The following MOK variants were observed in gnomAD, a reference collection of about 807,000 sequenced individuals.
MOK encodes the protein MOK protein kinase, also known as MAPK/MAK/MRK overlapping kinase.
MOK carries 59 observed loss-of-function variants against 54.2 expected under a neutral mutation model. The ratio of observed to expected loss-of-function variants is 1.09; its 90% CI spans 0.88 to 1.35. The LOEUF is 1.35. MOK is among the 40% of genes most tolerant of loss of function. The pLI is 0.00. For synonymous variants in MOK, 210 were observed against 202.7 expected, an observed-to-expected ratio of 1.04 and a Z score of -0.31; for missense variants, 517 against 526.2, an observed-to-expected ratio of 0.98 and a Z score of 0.17.
intron 1 of MOK, among the ~76,000 whole-genome samples, chr14:102,294,212 C>T (rs970132150): frequency 4.0e-5 from 6 of 150,918 alleles, no homozygotes; most frequent in Non-Finnish European, 7.4e-5. Flanking sequence ...TTTGGGAGGC[C>T]AAGGCGGGCG....
intron 7 of MOK, chr14:102,234,166 A>G (rs1347049696): frequency 1.5e-5 from 3 of 199,912 alleles, no homozygotes; most frequent in South Asian, 9.1e-5. Context: ...CGGATGACCT[A>G]ACATTCTGGT....
chr14:102,223,978 G>A (rs894110183), downstream of MOK, among the ~76,000 whole-genome samples: 10 of 150,852 alleles, frequency 6.6e-5, no homozygotes, highest in African/African-American at 2.4e-4. Context: ...ACATAACACA[G>A]TTTCTACAGT....
intron 1 of MOK, among the ~76,000 whole-genome samples, chr14:102,293,349 C>T (rs185485105): frequency 1.3e-3 from 197 of 152,180 alleles, no homozygotes; most frequent in African/African-American, 4.5e-3. Context: ...GCCATAATTT[C>T]ATGTTAAGTG....
At chr14:102,282,224 C>G (rs1450194911) in intron 2 of MOK, among the ~76,000 whole-genome samples, 1 of 151,974 alleles carries the variant, frequency 6.6e-6, no homozygotes, top group African/African-American at 2.4e-5. Context: ...TTGGGCAACA[C>G]AGTGAAATCC....
In MOK at chr14:102,249,515, G is replaced by A. The variant is rs1256698122; in HGVS notation, c.590+1297C>T. On this transcript the variant is annotated intron_variant, in intron 7 of 11. Coordinates refer to ENST00000361847, the MANE Select transcript of MOK (RefSeq NM_014226.3). This position sits in a 1 kb window ranked among gnomAD's most constrained non-coding sequence, Gnocchi z 5.3. ...ACCTGAAGTCAGGAGTTCAAGACCA[G>A]CCTGACCAACATGGAGAAACCCCGT... Among the ~76,000 whole-genome samples, 5 of 152,106 alleles carry A rather than the reference G, an allele frequency of 3.3e-5. No individual in the cohort carries two copies. The highest frequency in any genetic ancestry group is 1.2e-4 in the African/African-American group (5 of 41,420).
downstream of MOK, among the ~76,000 whole-genome samples, chr14:102,224,174 T>TGGGAC (rs2064155065): frequency 6.6e-6 from 1 of 151,786 alleles, no homozygotes; most frequent in Non-Finnish European, 1.5e-5. Context: ...CCCGAGTAGC[T>TGGGAC]GGGACTACAG....
At chr14:102,224,439 T>C (rs867820662), downstream of MOK, 4 of 383,090 alleles carry the variant, frequency 1.0e-5, no homozygotes, top group Admixed American at 3.1e-5. Context: ...CCCAACAGAA[T>C]GTGCAGCTAC....
the MOK span, among the ~76,000 whole-genome samples, chr14:102,218,869 A>G: frequency 6.6e-6 from 1 of 152,246 alleles, no homozygotes; most frequent in Admixed American, 6.5e-5. Context: ...TGCACAGCCC[A>G]GCAGCTCCCG....
At chr14:102,226,041 T>C (rs2064226674), downstream of MOK, 1 of 472,210 alleles carries the variant, frequency 2.1e-6, no homozygotes, top group Admixed American at 4.0e-5. The surrounding 1 kb of genome is among the most constrained non-coding windows in gnomAD (Gnocchi z 4.8). Flanking sequence ...TGTGGCAGGC[T>C]GGCTGCACCG....
chr14:102,294,048 C>T (rs1736094377), intron 1 of MOK, among the ~76,000 whole-genome samples: 1 of 152,142 alleles, frequency 6.6e-6, no homozygotes, highest in South Asian at 2.1e-4. Flanking sequence ...GCCTGTAATC[C>T]CAGCACTCTG....
downstream of MOK, chr14:102,223,166 T>C: frequency 4.3e-6 from 1 of 232,654 alleles, no homozygotes; most frequent in South Asian, 7.2e-5. Context: ...TTAAATTTCA[T>C]ATATATATAA....
At chr14:102,301,453 C>A (rs948633544) in intron 1 of MOK, among the ~76,000 whole-genome samples, 4 of 152,160 alleles carry the variant, frequency 2.6e-5, no homozygotes, top group Non-Finnish European at 1.5e-5. Context: ...CACCCCTAAA[C>A]ACAGGGCATC....
intron 4 of MOK, among the ~76,000 whole-genome samples, chr14:102,253,669 A>G (rs908185060): frequency 6.6e-6 from 1 of 152,152 alleles, no homozygotes; most frequent in Non-Finnish European, 1.5e-5. Context: ...GCAGCTTTCT[A>G]CCGTGCTTGA....
Position 102,304,982 on chromosome 14 carries a change from G to T in MOK, c.-14C>A, listed in dbSNP as rs1189031643. 6.2e-7 allele frequency: 1 copy of T among 1,609,964 alleles called. No homozygotes were observed. The highest frequency in any genetic ancestry group is 1.7e-5 in the Admixed American group (1 of 59,450). Reference sequence around the variant, plus strand: ...CTCACTCTTCATCTTGGATGCGGAAGCCGGTGACAACCCCTTGCCGACACT... The same window carrying T: ...CTCACTCTTCATCTTGGATGCGGAATCCGGTGACAACCCCTTGCCGACACT... On this transcript the variant is annotated 5_prime_UTR_variant, in exon 1 of 12. Coordinates refer to ENST00000361847, the MANE Select transcript of MOK (RefSeq NM_014226.3).
At chr14:102,294,233 T>C (rs1227282838) in intron 1 of MOK, among the ~76,000 whole-genome samples, 1 of 149,532 alleles carries the variant, frequency 6.7e-6, no homozygotes, top group Non-Finnish European at 1.5e-5. Flanking sequence ...GATCACGAGG[T>C]CAGGAGATCA....
chr14:102,224,754 G>A, downstream of MOK: 1 of 455,974 alleles, frequency 2.2e-6, no homozygotes, highest in Non-Finnish European at 4.4e-6. Flanking sequence ...GCGCCAGCAG[G>A]GACTCTGGAT....
downstream of MOK, among the ~76,000 whole-genome samples, chr14:102,219,931 G>T (rs1419128197): frequency 1.3e-5 from 2 of 152,260 alleles, no homozygotes; most frequent in East Asian, 3.8e-4. Flanking sequence ...TGGAGGGCAT[G>T]AAGGTGGTTC....
chr14:102,218,650 T>A, the MOK span, among the ~76,000 whole-genome samples: 2 of 151,960 alleles, frequency 1.3e-5, no homozygotes, highest in African/African-American at 2.4e-5. Flanking sequence ...AGTATTTTTT[T>A]ATCACTTAAT....
chr14:102,273,538 G>A (rs1161217827), intron 2 of MOK, among the ~76,000 whole-genome samples: 2 of 152,112 alleles, frequency 1.3e-5, no homozygotes, highest in Admixed American at 1.3e-4. Context: ...AGCACTTTGC[G>A]AGGCCAAGGT....
Sources: allele counts gnomAD v4.1 joint callset (sites outside exome capture counted in the v4.1 genomes callset), GRCh38; gene constraint gnomAD v4.1.1; non-coding constraint Gnocchi (gnomAD v3.1); transcripts MANE v1.5; gene names NCBI Gene and HGNC (gene_info 2026-07-23, HGNC 2026-07-21).